The following LRP12 variants were observed in gnomAD, a reference collection of about 807,000 sequenced individuals.
The protein encoded by LRP12 is low-density lipoprotein receptor-related protein 12.
LRP12 carries 14 observed loss-of-function variants against 66.0 expected under a neutral mutation model. That is an observed-to-expected ratio of 0.21 (90% CI 0.14 to 0.33). LRP12 has a LOEUF of 0.33. Among genes scored for constraint, LRP12 ranks in the 10% least tolerant of loss-of-function variants. The pLI, the probability that LRP12 is intolerant of heterozygous loss-of-function variation, is 1.00. For synonymous variants in LRP12, 357 were observed against 359.1 expected (o/e 0.99, Z 0.07); for missense variants, 889 against 1,053.4 (o/e 0.84, Z 2.16).
intron 1 of LRP12, among the ~76,000 whole-genome samples, chr8:104,552,854 C>T (rs1236434118): frequency 2.6e-5 from 4 of 152,026 alleles, no homozygotes; most frequent in African/African-American, 9.7e-5. Context: ...CTAGAGAATC[C>T]ACAGATCCTT....
chr8:104,505,832 C>A (rs1269998409), intron 3 of LRP12: 1 of 152,024 alleles, frequency 6.6e-6, no homozygotes, highest in African/African-American at 2.4e-5. Flanking sequence ...TTTTTTCTAA[C>A]AAAGTCCAAG....
chr8:104,553,637 C>T (rs1179508376), intron 1 of LRP12, among the ~76,000 whole-genome samples: 1 of 152,168 alleles, frequency 6.6e-6, no homozygotes, highest in Non-Finnish European at 1.5e-5. Context: ...CTGCCCCCAC[C>T]TGATGATCTT....
At chr8:104,494,100 T>C (rs935957550) in intron 6 of LRP12, among the ~76,000 whole-genome samples, 1 of 152,072 alleles carries the variant, frequency 6.6e-6, no homozygotes, top group African/African-American at 2.4e-5. Flanking sequence ...GGTTTAGGCA[T>C]GGTGGGTGGT....
intron 1 of LRP12, among the ~76,000 whole-genome samples, chr8:104,544,825 A>G (rs1811531577): frequency 6.6e-6 from 1 of 152,162 alleles, no homozygotes; most frequent in Non-Finnish European, 1.5e-5. Context: ...AAATCCACAT[A>G]TTTCCATGCC....
chr8:104,548,044 G>C (rs868325814), intron 1 of LRP12, among the ~76,000 whole-genome samples: 355 of 112,672 alleles, frequency 3.2e-3, no homozygotes, highest in Admixed American at 5.2e-3. Flanking sequence ...ATATAATTCT[G>C]TTATATTATA....
intron 1 of LRP12, among the ~76,000 whole-genome samples, chr8:104,563,957 TG>T (rs1811955153): frequency 6.6e-6 from 1 of 152,220 alleles, no homozygotes; most frequent in African/African-American, 2.4e-5. Flanking sequence ...GAATGCTGCC[TG>T]GCTCATAGTA....
At chr8:104,531,030 T>A (rs1811318166) in intron 2 of LRP12, among the ~76,000 whole-genome samples, 1 of 152,260 alleles carries the variant, frequency 6.6e-6, no homozygotes, top group South Asian at 2.1e-4. Flanking sequence ...GTTAAGTCTA[T>A]TAACTTTCTG....
At chr8:104,575,631 G>A (rs201993479) in intron 1 of LRP12, among the ~76,000 whole-genome samples, 2 of 152,002 alleles carry the variant, frequency 1.3e-5, no homozygotes, top group African/African-American at 4.8e-5. Context: ...CCAAAGATCA[G>A]AAACCTCAAA....
chr8:104,548,617 A>AATTATATAATT (rs1160970103), intron 1 of LRP12, among the ~76,000 whole-genome samples: 2 of 115,110 alleles, frequency 1.7e-5, no homozygotes, highest in African/African-American at 4.0e-5. Context: ...TAATTAAATT[A>AATTATATAATT]ATTATATAAT....
chr8:104,499,948 T>C lies in LRP12; in HGVS notation c.273-429A>G, dbSNP rs186900943. Among the ~76,000 whole-genome samples the C allele has an allele frequency of 1.5e-3, 232 of 152,274 alleles. 3 individuals are homozygous for C. The highest frequency in any genetic ancestry group is 1.6e-3 in the Non-Finnish European group (109 of 68,014). The stretch of plus-strand genomic sequence containing the variant: ...TTCTCTTAGATTAATACCTGCTTAA[T>C]GAAAAGTTTGCAGCTGACATTCTTA... On this transcript the variant is annotated intron_variant, in intron 3 of 6. Coordinates refer to ENST00000276654, the MANE Select transcript of LRP12 (RefSeq NM_013437.5).
intron 1 of LRP12, among the ~76,000 whole-genome samples, chr8:104,558,526 C>G (rs970442738): frequency 3.3e-5 from 5 of 152,012 alleles, no homozygotes; most frequent in Non-Finnish European, 7.4e-5. Flanking sequence ...TTTGAAAAAC[C>G]CTTCCAGACA....
At position 104,495,172 on chromosome 8, in the gene LRP12, A is replaced by G. The variant is rs1487111369; in HGVS notation, c.1618T>C (p.Leu540=). 3 of 1,613,796 alleles carry G rather than the reference A, an allele frequency of 1.9e-6. No homozygotes were observed. The highest frequency in any genetic ancestry group is 2.5e-6 in the Non-Finnish European group (3 of 1,179,800). ...GAGGGAGGAGCTTCTCTTCTTAACAATTCTGCTTCCACTCTTGACAACTGT... is the reference window on the plus strand; with the variant it reads ...GAGGGAGGAGCTTCTCTTCTTAACAGTTCTGCTTCCACTCTTGACAACTGT... The part of the protein sequence containing the change: ...ETQLSRVEAE[L]LRREAPPSYG... Residue 540 remains leucine (L), a synonymous_variant, in exon 6 of 7, where the codon TTG becomes CTG. Coordinates refer to ENST00000276654, the MANE Select transcript of LRP12 (RefSeq NM_013437.5).
intron 1 of LRP12, chr8:104,566,169 A>G: frequency 4.7e-6 from 3 of 634,892 alleles, no homozygotes; most frequent in Admixed American, 6.2e-5. Context: ...TATTGTACAC[A>G]AAGATTCTTG....
intron 2 of LRP12, among the ~76,000 whole-genome samples, chr8:104,520,514 A>G (rs1243008782): frequency 6.6e-6 from 1 of 152,022 alleles, no homozygotes; most frequent in Non-Finnish European, 1.5e-5. Flanking sequence ...CAGCTTTGAC[A>G]TAGTTTTTAG....
rs540799062 is a variant in LRP12, at chr8:104,567,541, A to G, written c.79+21278T>C. On this transcript the variant is annotated intron_variant, in intron 1 of 6. Coordinates refer to ENST00000276654, the MANE Select transcript of LRP12 (RefSeq NM_013437.5). Reference sequence around the variant, plus strand: ...CAAACCAAATCAGAAAGGAAGAAGTAAAACCATCCCTATTTGCATATGATA... The same window carrying G: ...CAAACCAAATCAGAAAGGAAGAAGTGAAACCATCCCTATTTGCATATGATA... Among the ~76,000 whole-genome samples, 33 of 152,332 alleles carry G rather than the reference A, an allele frequency of 2.2e-4. No individual in the cohort carries two copies. In the Middle Eastern group the frequency reaches 0.014, roughly 63 times the overall value.
intron 1 of LRP12, among the ~76,000 whole-genome samples, chr8:104,561,313 A>C (rs1275958606): frequency 5.3e-5 from 8 of 152,200 alleles, no homozygotes; most frequent in Admixed American, 3.9e-4. Context: ...TGACAGAAGA[A>C]GACATACACT....
At chr8:104,534,218 G>T (rs2140864614) in intron 1 of LRP12, among the ~76,000 whole-genome samples, 1 of 152,130 alleles carries the variant, frequency 6.6e-6, no homozygotes, top group African/African-American at 2.4e-5. Flanking sequence ...CAGATGAGCA[G>T]TAAAGTATGA....
At position 104,550,209 on chromosome 8, in the gene LRP12, A is replaced by G. The variant is rs191350297; in HGVS notation, c.80-18246T>C. 7.9e-5 allele frequency among the ~76,000 whole-genome samples: 12 copies of G among 152,290 alleles called. No individual in the cohort carries two copies. The East Asian group carries it at 1.7e-3, about 22-fold the overall frequency. ...TATTCCAGTTTTACATGCAGAAAAA[A>G]AGACTCAAAGAAGAGACTTGTTCAA... is the stretch of plus-strand genomic sequence containing the variant. On this transcript the variant is annotated intron_variant, in intron 1 of 6. Coordinates refer to ENST00000276654, the MANE Select transcript of LRP12 (RefSeq NM_013437.5).
intron 1 of LRP12, among the ~76,000 whole-genome samples, chr8:104,543,012 T>TATATAA (rs998815697): frequency 1.3e-5 from 2 of 149,820 alleles, no homozygotes; most frequent in African/African-American, 4.9e-5. Context: ...TATATATATA[T>TATATAA]AAATATATAT....
Sources: gnomAD v4.1 joint callset for allele counts (sites outside exome capture counted in the v4.1 genomes callset) on GRCh38, gnomAD v4.1.1 for gene constraint, MANE v1.5 for transcripts, NCBI Gene and HGNC (gene_info 2026-07-23, HGNC 2026-07-21) for gene names.